Variants in TRAPPC8 observed in about 807,000 individuals in gnomAD.
TRAPPC8 encodes general sporulation gene 1 homolog.
Under a neutral mutation model 174.3 loss-of-function variants are expected in TRAPPC8, and 54 were observed. The observed-to-expected ratio is 0.31, with a 90% CI of 0.25 to 0.39. The LOEUF (loss-of-function observed/expected upper bound fraction) is 0.39. TRAPPC8 is among the 10% of genes least tolerant of loss of function. TRAPPC8 has a pLI of 1.00. For synonymous variants in TRAPPC8, 630 were observed against 579.9 expected (o/e 1.09, Z -1.24); for missense variants, 1,531 against 1,699.1 (o/e 0.90, Z 1.74).
chr18:31,906,773 GC>G (rs1203664688), intron 9 of TRAPPC8, among the ~76,000 whole-genome samples: 1 of 152,136 alleles, frequency 6.6e-6, no homozygotes, highest in Non-Finnish European at 1.5e-5. Context: ...ATTACTGACA[GC>G]TTATTATATA....
chr18:31,930,896 T>C (rs989222700), intron 2 of TRAPPC8, among the ~76,000 whole-genome samples: 2 of 152,144 alleles, frequency 1.3e-5, no homozygotes. Context: ...AAAATACATA[T>C]GTACATATAT....
intron 2 of TRAPPC8, among the ~76,000 whole-genome samples, chr18:31,921,419 G>C (rs1378495475): frequency 6.6e-6 from 1 of 152,022 alleles, no homozygotes; most frequent in African/African-American, 2.4e-5. Context: ...TTCCAGACCA[G>C]CCTGACCAAC....
chr18:31,904,646 C>A (rs1357543058), intron 9 of TRAPPC8, among the ~76,000 whole-genome samples: 2 of 152,174 alleles, frequency 1.3e-5, no homozygotes, highest in Admixed American at 6.5e-5. Flanking sequence ...TCTGTATCCT[C>A]AGCACTCAGC....
intron 21 of TRAPPC8, 127 bp from the exon 22 acceptor site, chr18:31,854,072 T>C (rs1448044460): frequency 1.4e-6 from 1 of 699,810 alleles, no homozygotes; most frequent in Non-Finnish European, 2.4e-6. Context: ...AATTACAATA[T>C]ACATTTCCAA....
At chr18:31,934,144 C>T (rs145245108) in intron 1 of TRAPPC8, among the ~76,000 whole-genome samples, 19 of 151,324 alleles carry the variant, frequency 1.3e-4, no homozygotes, top group East Asian at 9.7e-4. Context: ...GCCAAGATTG[C>T]GCCACTGCAC....
intron 17 of TRAPPC8, 54 bp downstream of exon 17, chr18:31,867,348 G>A (rs567486617): frequency 1.8e-5 from 22 of 1,217,772 alleles, no homozygotes; most frequent in Admixed American, 4.2e-5. Context: ...TTAAAAATTT[G>A]TTTTCACCTT....
chr18:31,906,669 T>C (rs2036674183), intron 9 of TRAPPC8, among the ~76,000 whole-genome samples: 1 of 152,194 alleles, frequency 6.6e-6, no homozygotes, highest in Non-Finnish European at 1.5e-5. Context: ...TGTGGTAACT[T>C]TTCAAAAACA....
At chr18:31,935,969 C>T (rs1413901461) in intron 1 of TRAPPC8, among the ~76,000 whole-genome samples, 1 of 151,500 alleles carries the variant, frequency 6.6e-6, no homozygotes, top group Non-Finnish European at 1.5e-5. Flanking sequence ...AAACTCTTGA[C>T]CTCATGATCC....
chr18:31,845,136 T>C (rs2033325305), intron 26 of TRAPPC8: 1 of 148,950 alleles, frequency 6.7e-6, no homozygotes, highest in South Asian at 2.1e-4. Context: ...AGGTGGCGGG[T>C]GGCCACTGCA....
At chr18:31,890,216 C>T (rs2035895058) in intron 12 of TRAPPC8, among the ~76,000 whole-genome samples, 1 of 152,162 alleles carries the variant, frequency 6.6e-6, no homozygotes, top group African/African-American at 2.4e-5. Flanking sequence ...GGTTCTAGGA[C>T]AACTGGGGCC....
chr18:31,918,699 A>G (rs1444575338), intron 2 of TRAPPC8, among the ~76,000 whole-genome samples: 2 of 152,252 alleles, frequency 1.3e-5, no homozygotes, highest in Non-Finnish European at 2.9e-5. Context: ...ATTTCGAAGT[A>G]CATTTACCTT....
At chr18:31,840,180 G>A (rs2033010124) in intron 26 of TRAPPC8, among the ~76,000 whole-genome samples, 1 of 152,150 alleles carries the variant, frequency 6.6e-6, no homozygotes, top group African/African-American at 2.4e-5. Flanking sequence ...CCAACATGGT[G>A]AAATGCCATC....
intron 13 of TRAPPC8, chr18:31,874,241 A>G: frequency 2.1e-6 from 1 of 478,940 alleles, no homozygotes; most frequent in East Asian, 3.2e-5. Flanking sequence ...TTTTTTTAAG[A>G]TTCTAAGAAC....
chr18:31,890,338 C>A (rs1026519603), intron 12 of TRAPPC8, among the ~76,000 whole-genome samples: 1 of 152,136 alleles, frequency 6.6e-6, no homozygotes, highest in African/African-American at 2.4e-5. Context: ...ATAAAGCACT[C>A]TGAAACAGAA....
At chr18:31,914,326 T>A (rs530260898) in intron 4 of TRAPPC8, among the ~76,000 whole-genome samples, 2 of 152,356 alleles carry the variant, frequency 1.3e-5, no homozygotes, top group African/African-American at 2.4e-5. Context: ...CAGATGCATG[T>A]GTGTGTACAC....
chr18:31,854,489 G>A (rs1472168090), intron 21 of TRAPPC8, among the ~76,000 whole-genome samples: 1 of 151,966 alleles, frequency 6.6e-6, no homozygotes, highest in Non-Finnish European at 1.5e-5. Flanking sequence ...TTTTTGGGGG[G>A]AGATCACCAA....
chr18:31,893,608 T>C (rs2036060014), intron 11 of TRAPPC8, among the ~76,000 whole-genome samples: 1 of 152,230 alleles, frequency 6.6e-6, no homozygotes, highest in Non-Finnish European at 1.5e-5. Flanking sequence ...ATTTAAATTC[T>C]CATTCCAGCC....
At chr18:31,913,643 G>A in intron 4 of TRAPPC8, 121 bp from the exon 5 acceptor site, 5 of 734,562 alleles carry the variant, frequency 6.8e-6, no homozygotes, top group South Asian at 2.9e-5. Flanking sequence ...TATTTAGACT[G>A]GAAAAATATA....
rs2035095533 is a variant in TRAPPC8 at position 31,875,423 on chromosome 18, TGCCTGCCTGCC to T, written c.1729-730_1729-720del. ...CCATGCTGATCCCAGCCTGCCTGCC[TGCCTGCCTGCC>T]TGCCAGAACTCACTGGCCAGTGTTG... On this transcript the variant is annotated intron_variant, in intron 12 of 28. Coordinates refer to ENST00000283351, the MANE Select transcript of TRAPPC8 (RefSeq NM_014939.5). 7.2e-5 allele frequency among the ~76,000 whole-genome samples: 11 copies of T among 152,106 alleles called. No individual in the cohort carries two copies. In the South Asian group the frequency reaches 2.1e-3, roughly 29 times the overall value.
Sources: allele counts gnomAD v4.1 joint callset (sites outside exome capture counted in the v4.1 genomes callset), GRCh38; gene constraint gnomAD v4.1.1; transcripts MANE v1.5; gene names NCBI Gene and HGNC (gene_info 2026-07-23, HGNC 2026-07-21).